The following COL25A1 variants were observed in gnomAD, a reference collection of about 807,000 sequenced individuals.
COL25A1 encodes collagen alpha-1(XXV) chain.
COL25A1 carries 103 observed loss-of-function variants against 128.4 expected under a neutral mutation model. The observed-to-expected ratio is 0.80, with a 90% CI of 0.68 to 0.94. The LOEUF (loss-of-function observed/expected upper bound fraction) is 0.94, where lower values mean the gene tolerates loss of function less well. Among genes scored for constraint, COL25A1 ranks in the 40% least tolerant of loss-of-function variants. COL25A1 has a pLI of 0.00. For missense variants in COL25A1, 745 were observed against 840.0 expected (o/e 0.89, Z 1.40); for synonymous variants, 279 against 277.2 (o/e 1.01, Z -0.06).
At chr4:108,893,103 C>T (rs548917065) in intron 16 of COL25A1, among the ~76,000 whole-genome samples, 25 of 151,988 alleles carry the variant, frequency 1.6e-4, no homozygotes, top group African/African-American at 2.4e-4. Context: ...AAGTCAAAGA[C>T]GCATTTTCAT....
intron 6 of COL25A1, among the ~76,000 whole-genome samples, chr4:108,985,120 C>T (rs1394114093): frequency 6.6e-6 from 1 of 152,174 alleles, no homozygotes; most frequent in East Asian, 1.9e-4. Context: ...TCAGTTGATG[C>T]CTAAGATCAT....
chr4:109,044,926 C>A (rs1760286699), intron 5 of COL25A1, among the ~76,000 whole-genome samples: 1 of 152,112 alleles, frequency 6.6e-6, no homozygotes, highest in African/African-American at 2.4e-5. Flanking sequence ...ATACAGTTGA[C>A]CTTAAACAGC....
chr4:109,153,103 G>T (rs896202737), intron 3 of COL25A1, among the ~76,000 whole-genome samples: 8 of 152,050 alleles, frequency 5.3e-5, no homozygotes, highest in African/African-American at 1.9e-4. Context: ...AAAGTACTCT[G>T]GGCCGGGCGC....
intron 3 of COL25A1, among the ~76,000 whole-genome samples, chr4:109,227,392 G>A (rs779468362): frequency 2.6e-5 from 4 of 152,168 alleles, no homozygotes; most frequent in African/African-American, 7.2e-5. Context: ...AGCAGTAGTC[G>A]TACACGACTG....
intron 22 of COL25A1, 88 bp from the exon 23 acceptor site, chr4:108,861,059 C>G: frequency 9.1e-7 from 1 of 1,094,102 alleles, no homozygotes; most frequent in Non-Finnish European, 1.4e-6. Flanking sequence ...CATACAGAAG[C>G]ACCTTTAATA....
chr4:109,255,126 A>G (rs1159135309), intron 3 of COL25A1, among the ~76,000 whole-genome samples: 1 of 152,216 alleles, frequency 6.6e-6, no homozygotes, highest in Non-Finnish European at 1.5e-5. Flanking sequence ...TCTTTTCTCA[A>G]TGAAAGTTTA....
chr4:108,824,940 T>C (rs571786231), intron 34 of COL25A1, among the ~76,000 whole-genome samples: 1 of 152,294 alleles, frequency 6.6e-6, no homozygotes, highest in Non-Finnish European at 1.5e-5. Context: ...GTACCCTCAA[T>C]TTGGGAAAGT....
At chr4:108,943,567 T>G (rs971023881) in intron 8 of COL25A1, among the ~76,000 whole-genome samples, 5 of 152,216 alleles carry the variant, frequency 3.3e-5, no homozygotes, top group African/African-American at 1.2e-4. Flanking sequence ...GGTCACACTC[T>G]GCAGTAATCA....
At chr4:108,962,151 T>C (rs1750778777) in intron 8 of COL25A1, among the ~76,000 whole-genome samples, 1 of 152,090 alleles carries the variant, frequency 6.6e-6, no homozygotes, top group South Asian at 2.1e-4. Context: ...CTCTCTCTCT[T>C]TTTGTTTTCC....
chr4:109,123,480 T>C (rs1170064915), intron 3 of COL25A1, among the ~76,000 whole-genome samples: 1 of 151,884 alleles, frequency 6.6e-6, no homozygotes, highest in Non-Finnish European at 1.5e-5. Flanking sequence ...GCTAAAGGGA[T>C]AAATAAATAA....
intron 3 of COL25A1, among the ~76,000 whole-genome samples, chr4:109,166,953 T>A (rs1258084987): frequency 6.6e-6 from 1 of 152,294 alleles, no homozygotes; most frequent in Non-Finnish European, 1.5e-5. Flanking sequence ...AAAGTACTTA[T>A]AGGGTGGTGG....
In COL25A1 at chr4:109,022,482, T is replaced by C. The variant is rs577787411; in HGVS notation, c.421-12107A>G. Among the ~76,000 whole-genome samples the C allele has an allele frequency of 9.2e-5, 14 of 152,360 alleles. No homozygotes were observed. The South Asian group carries it at 2.9e-3, about 32-fold the overall frequency. ...ATGGAAAACCAGATACAGAGATGCA[T>C]ACCGCTTAGCCTACTGATGACTTAG... On this transcript the variant is annotated intron_variant, in intron 5 of 37. Coordinates refer to ENST00000399132, the MANE Select transcript of COL25A1 (RefSeq NM_198721.4).
At chr4:108,983,668 T>G (rs762568790) in intron 6 of COL25A1, among the ~76,000 whole-genome samples, 1 of 152,100 alleles carries the variant, frequency 6.6e-6, no homozygotes, top group Non-Finnish European at 1.5e-5. Flanking sequence ...GTTTCTTCCT[T>G]CTGGTGGGTT....
intron 5 of COL25A1, among the ~76,000 whole-genome samples, chr4:109,011,292 C>A (rs1472415734): frequency 1.1e-4 from 16 of 152,182 alleles, no homozygotes; most frequent in Admixed American, 1.0e-3. Context: ...GGAGCTAATA[C>A]AACTCCCAGA....
chr4:109,211,487 G>A (rs1777559348), intron 3 of COL25A1, among the ~76,000 whole-genome samples: 1 of 150,628 alleles, frequency 6.6e-6, no homozygotes, highest in South Asian at 2.1e-4. Flanking sequence ...TTCATTCTGA[G>A]CATTAAGAGA....
chr4:109,052,209 T>C (rs559434861), intron 3 of COL25A1, among the ~76,000 whole-genome samples: 1 of 150,190 alleles, frequency 6.7e-6, no homozygotes, highest in East Asian at 1.9e-4. Flanking sequence ...CAGAAGATTA[T>C]GAAAAAAATG....
At chr4:109,141,768 C>T (rs1424906202) in intron 3 of COL25A1, among the ~76,000 whole-genome samples, 2 of 152,120 alleles carry the variant, frequency 1.3e-5, no homozygotes, top group African/African-American at 4.8e-5. Flanking sequence ...TTCTTGGAAT[C>T]TGTGATGATA....
intron 6 of COL25A1, among the ~76,000 whole-genome samples, chr4:109,005,071 C>G (rs1405153): frequency 0.8 from 121,144 of 152,150 alleles, 49,352 homozygotes; most frequent in East Asian, 1. Flanking sequence ...ACAAAGAAAA[C>G]AGGCTTAACT....
At chr4:109,169,747 T>C (rs1477250722) in intron 3 of COL25A1, among the ~76,000 whole-genome samples, 1 of 152,184 alleles carries the variant, frequency 6.6e-6, no homozygotes, top group Non-Finnish European at 1.5e-5. Context: ...TTAAGTTTAC[T>C]TAAAGTCACA....
Sources: gnomAD v4.1 joint callset for allele counts (sites outside exome capture counted in the v4.1 genomes callset) on GRCh38, gnomAD v4.1.1 for gene constraint, MANE v1.5 for transcripts, NCBI Gene and HGNC (gene_info 2026-07-23, HGNC 2026-07-21) for gene names.